JAZF1: variants seen among roughly 807,000 people sequenced by gnomAD.
JAZF1 encodes the protein JAZF zinc finger 1.
In JAZF1, 8 loss-of-function variants were observed where a neutral mutation model predicts 26.4. That is an observed-to-expected ratio of 0.30 (90% CI 0.18 to 0.55). The LOEUF is 0.55. Among genes scored for constraint, JAZF1 ranks in the 20% least tolerant of loss-of-function variants. The pLI is 0.94. For synonymous variants in JAZF1, 126 were observed against 122.3 expected (o/e 1.03, Z -0.20); for missense variants, 199 against 322.0 (o/e 0.62, Z 2.92).
intron 3 of JAZF1, among the ~76,000 whole-genome samples, chr7:27,894,992 C>T (rs1157360635): frequency 3.3e-5 from 5 of 151,870 alleles, no homozygotes; most frequent in Non-Finnish European, 7.4e-5. Context: ...AATATATTGA[C>T]AAAAAATCTA....
chr7:28,136,850 G>A (rs1405344618), intron 1 of JAZF1, among the ~76,000 whole-genome samples: 1 of 152,210 alleles, frequency 6.6e-6, no homozygotes, highest in African/African-American at 2.4e-5. Flanking sequence ...GCTTCCTGAA[G>A]GAGAAGGCCT....
intron 2 of JAZF1, among the ~76,000 whole-genome samples, chr7:27,927,145 T>G (rs922804597): frequency 1.3e-5 from 2 of 152,190 alleles, no homozygotes; most frequent in Non-Finnish European, 2.9e-5. Flanking sequence ...TAGCCGAGGA[T>G]GCACAGGAGA....
chr7:28,168,239 G>A (rs776019110), intron 1 of JAZF1, among the ~76,000 whole-genome samples: 7 of 152,080 alleles, frequency 4.6e-5, no homozygotes, highest in Admixed American at 6.5e-5. Flanking sequence ...AAAATTAGCC[G>A]GGCGTGGCAG....
intron 2 of JAZF1, among the ~76,000 whole-genome samples, chr7:27,907,846 A>C (rs1440041887): frequency 6.6e-6 from 1 of 152,216 alleles, no homozygotes; most frequent in Non-Finnish European, 1.5e-5. Context: ...AATCGATTAC[A>C]GCACTCTTGC....
At chr7:27,879,387 T>C (rs1783731039) in intron 3 of JAZF1, among the ~76,000 whole-genome samples, 1 of 152,186 alleles carries the variant, frequency 6.6e-6, no homozygotes, top group African/African-American at 2.4e-5. Context: ...CTCAGACTTA[T>C]TAACACCATG....
chr7:28,136,234 G>A (rs1782884565), intron 1 of JAZF1, among the ~76,000 whole-genome samples: 1 of 152,218 alleles, frequency 6.6e-6, no homozygotes, highest in Non-Finnish European at 1.5e-5. Context: ...TTTTACAGGT[G>A]AAGAAGCTGG....
In JAZF1 at chr7:28,180,569, G is replaced by A. The variant is rs768433719; in HGVS notation, c.9C>T (p.Gly3=). The A allele has an allele frequency of 2.5e-6, 4 of 1,609,616 alleles. No individual in the cohort carries two copies. Among genetic ancestry groups the A allele is most frequent in the East Asian group, 2.2e-5 (1 of 44,636 alleles). Residue 3 remains glycine, a synonymous_variant, in exon 1 of 5, where the codon GGC becomes GGT. Coordinates refer to ENST00000283928, the MANE Select transcript of JAZF1 (RefSeq NM_175061.4). The part of the protein sequence containing the change: MT[G]IAAASFFSNT... ...TGGAGAAGAAGGAGGCGGCGGCGAT[G>A]CCTGTCATGGTGCTACATCGAGAGC...
chr7:28,093,833 T>C (rs1409067661), intron 1 of JAZF1, among the ~76,000 whole-genome samples: 1 of 152,194 alleles, frequency 6.6e-6, no homozygotes, highest in Non-Finnish European at 1.5e-5. Context: ...CCTGTGGCAA[T>C]GCCTGCAAAC....
chr7:28,001,076 G>A (rs551557086), intron 1 of JAZF1, among the ~76,000 whole-genome samples: 123 of 152,058 alleles, frequency 8.1e-4, no homozygotes, highest in African/African-American at 2.2e-3. Context: ...TAATCTGGCC[G>A]GGCGCAGTGG....
chr7:28,170,414 T>G (rs926916568), intron 1 of JAZF1, among the ~76,000 whole-genome samples: 3 of 149,008 alleles, frequency 2.0e-5, no homozygotes, highest in Non-Finnish European at 4.5e-5. Flanking sequence ...TGTGTGTGTA[T>G]GTGTAGAGGG....
intron 1 of JAZF1, among the ~76,000 whole-genome samples, chr7:28,179,096 C>T (rs777455160): frequency 5.3e-5 from 8 of 152,228 alleles, no homozygotes; most frequent in Non-Finnish European, 7.3e-5. Flanking sequence ...TTTGTAGAAA[C>T]GTGAGCTGCA....
Position 27,831,491 on chromosome 7 carries a change from G to A in JAZF1, c.*1309C>T, listed in dbSNP as rs986565079. 5 of 228,810 alleles carry A rather than the reference G, an allele frequency of 2.2e-5. No individual in the cohort carries two copies. The highest frequency in any genetic ancestry group is 6.7e-5 in the African/African-American group (3 of 45,080). 14.2% of individuals were successfully genotyped at this position (228,810 alleles called of 1,614,324 possible). A position where few individuals can be genotyped will look rare whatever the true frequency, so the allele number is the denominator to read the frequency against. ...ACACTCAAGGCATGATGGTACTGTC[G>A]GTGAGGAAAAACTTAAGGAATGGTC... On this transcript the variant is annotated 3_prime_UTR_variant, in exon 5 of 5. Coordinates refer to ENST00000283928, the MANE Select transcript of JAZF1 (RefSeq NM_175061.4).
At chr7:28,118,761 T>TACAC (rs10612400) in intron 1 of JAZF1, among the ~76,000 whole-genome samples, 24,598 of 148,584 alleles carry the variant, frequency 0.17, 2,223 homozygotes, top group South Asian at 0.28. Context: ...AAGAGAGTTT[T>TACAC]ACACACACAC....
chr7:28,152,803 T>C (rs1225969998), intron 1 of JAZF1, among the ~76,000 whole-genome samples: 5 of 151,950 alleles, frequency 3.3e-5, no homozygotes, highest in African/African-American at 1.2e-4. Flanking sequence ...AGGAAGAAGG[T>C]AGGAGGTTTG....
chr7:28,163,391 G>A (rs959769096), intron 1 of JAZF1, among the ~76,000 whole-genome samples: 1 of 152,130 alleles, frequency 6.6e-6, no homozygotes, highest in Non-Finnish European at 1.5e-5. Context: ...CTTGGAACTG[G>A]GGAAGAGAAG....
intron 2 of JAZF1, among the ~76,000 whole-genome samples, chr7:27,917,833 A>T (rs1336956202): frequency 2.0e-5 from 3 of 152,178 alleles, no homozygotes; most frequent in Non-Finnish European, 1.5e-5. Context: ...ATTTACTCTA[A>T]GCATTGTATT....
At chr7:27,979,366 ATTTTTTTTTTTTT>A (rs55737757) in intron 2 of JAZF1, among the ~76,000 whole-genome samples, 5,970 of 57,908 alleles carry the variant, frequency 0.1, 354 homozygotes, top group Non-Finnish European at 0.14. Flanking sequence ...GGTACACTAC[ATTTTTTTTTTTTT>A]TTTTTTTTTT....
chr7:27,998,389 C>A (rs1473525422), intron 1 of JAZF1, among the ~76,000 whole-genome samples: 2 of 152,286 alleles, frequency 1.3e-5, no homozygotes, highest in Admixed American at 1.3e-4. Flanking sequence ...GTTGCATCAA[C>A]AATTTACAAA....
At chr7:28,122,573 A>G (rs1376981428) in intron 1 of JAZF1, among the ~76,000 whole-genome samples, 1 of 152,166 alleles carries the variant, frequency 6.6e-6, no homozygotes, top group African/African-American at 2.4e-5. Flanking sequence ...TCTGTGAAGG[A>G]GAAGAAAACA....
Sources: allele counts gnomAD v4.1 joint callset (sites outside exome capture counted in the v4.1 genomes callset), GRCh38; gene constraint gnomAD v4.1.1; transcripts MANE v1.5; gene names NCBI Gene and HGNC (gene_info 2026-07-23, HGNC 2026-07-21).